The following CPPED1 variants were observed in gnomAD, a reference collection of about 807,000 sequenced individuals.
CPPED1 encodes calcineurin like phosphoesterase domain containing 1.
Under a neutral mutation model 28.0 loss-of-function variants are expected in CPPED1, and 28 were observed. That is an observed-to-expected ratio of 1.00 (90% CI 0.74 to 1.37). The LOEUF (loss-of-function observed/expected upper bound fraction) is 1.37. Among genes scored for constraint, CPPED1 ranks in the 40% most tolerant of loss-of-function variants. The pLI, the probability that CPPED1 is intolerant of heterozygous loss-of-function variation, is 0.00. For synonymous variants in CPPED1, 198 were observed against 180.2 expected, an observed-to-expected ratio of 1.10 and a Z score of -0.79; for missense variants, 504 against 416.5, an observed-to-expected ratio of 1.21 and a Z score of -1.83.
At chr16:12,692,038 G>C (rs906527176) in intron 3 of CPPED1, among the ~76,000 whole-genome samples, 1 of 151,756 alleles carries the variant, frequency 6.6e-6, no homozygotes, top group African/African-American at 2.4e-5. Flanking sequence ...ATTTTTAGTA[G>C]CTATGGGGTT....
intron 2 of CPPED1, among the ~76,000 whole-genome samples, chr16:12,713,573 C>A (rs1394514603): frequency 2.0e-5 from 3 of 152,056 alleles, no homozygotes; most frequent in Admixed American, 6.6e-5. Context: ...ATCATACTGG[C>A]CAGTCTTGAA....
chr16:12,712,661 T>C (rs2080086302), intron 2 of CPPED1, among the ~76,000 whole-genome samples: 1 of 152,126 alleles, frequency 6.6e-6, no homozygotes. Flanking sequence ...CTGTTAAGGT[T>C]TGGGGAGCAA....
At chr16:12,725,474 C>T (rs1326784439) in intron 2 of CPPED1, among the ~76,000 whole-genome samples, 2 of 152,080 alleles carry the variant, frequency 1.3e-5, no homozygotes, top group Non-Finnish European at 2.9e-5. Flanking sequence ...ATTTTTTTCA[C>T]ACTACTTTGG....
At chr16:12,698,440 A>G (rs1044526670) in intron 3 of CPPED1, among the ~76,000 whole-genome samples, 9 of 151,618 alleles carry the variant, frequency 5.9e-5, no homozygotes, top group African/African-American at 2.2e-4. Context: ...AATTTTTTTT[A>G]TTTATTTTTG....
At position 12,709,908 on chromosome 16, in the gene CPPED1, G is replaced by A. The variant is rs11862856; in HGVS notation, c.290-4859C>T. Among the ~76,000 whole-genome samples the A allele has an allele frequency of 9.5e-5, 2 of 21,072 alleles. No homozygotes were observed. Among genetic ancestry groups the A allele is most frequent in the African/African-American group, 9.9e-4 (2 of 2,022 alleles). The allele number at this position is 21,072 out of a possible 152,430, so 13.8% of individuals were successfully genotyped here. On this transcript the variant is annotated intron_variant, in intron 2 of 3. Transcript: ENST00000381774. The surrounding 1 kb of genome is among the most constrained non-coding windows in gnomAD (Gnocchi z 4.4). ...AAGGGAAGGAAGGGAAAGACGGGGG[G>A]AAGGAAGGGAAGGAAGGGAAGGAAG...
intron 2 of CPPED1, among the ~76,000 whole-genome samples, chr16:12,719,914 C>A (rs896993827): frequency 1.3e-5 from 2 of 151,268 alleles, no homozygotes; most frequent in African/African-American, 4.9e-5. Flanking sequence ...CCAGCCTAGG[C>A]GACAAGAGCA....
intron 2 of CPPED1, chr16:12,760,344 T>C (rs1171208706): frequency 6.6e-6 from 1 of 152,186 alleles, no homozygotes; most frequent in Admixed American, 6.5e-5. Context: ...ATGATGATAA[T>C]TGATTGCTAA....
intron 3 of CPPED1, among the ~76,000 whole-genome samples, chr16:12,684,971 G>A (rs376393705): frequency 7.2e-5 from 11 of 152,128 alleles, no homozygotes; most frequent in Admixed American, 3.3e-4. Context: ...GAGAGTTCCC[G>A]TATTTCCTGA....
At position 12,659,936 on chromosome 16, in the gene CPPED1, A is replaced by G. The variant is rs1364490258; in HGVS notation, c.*4950T>C. ...AGGAAAGAAAGAGTGTGAAGGAGCT[A>G]TCAAACACAAAACCATCAGTGTCAT... On this transcript the variant is annotated 3_prime_UTR_variant, in exon 4 of 4. Coordinates refer to ENST00000381774, the MANE Select transcript of CPPED1 (RefSeq NM_018340.3). 2 of 152,200 alleles carry G rather than the reference A, an allele frequency of 1.3e-5. No individual in the cohort carries two copies. The highest frequency in any genetic ancestry group is 3.8e-4 in the East Asian group (2 of 5,196). 9.4% of individuals were successfully genotyped at this position (152,200 alleles called of 1,614,324 possible).
At chr16:12,787,399 T>G (rs1299860460) in intron 1 of CPPED1, among the ~76,000 whole-genome samples, 1 of 86,292 alleles carries the variant, frequency 1.2e-5, no homozygotes, top group Non-Finnish European at 2.4e-5. Flanking sequence ...GAATGAATTT[T>G]TCTTTCTTTT....
chr16:12,785,492 A>T (rs530328329), intron 1 of CPPED1, among the ~76,000 whole-genome samples: 2 of 150,194 alleles, frequency 1.3e-5, no homozygotes, highest in East Asian at 3.9e-4. Context: ...CAATGCTGCA[A>T]TCTCTGCTTA....
intron 2 of CPPED1, among the ~76,000 whole-genome samples, chr16:12,752,140 C>T (rs1272956141): frequency 6.6e-6 from 1 of 152,078 alleles, no homozygotes; most frequent in Non-Finnish European, 1.5e-5. Context: ...AACTTAAACA[C>T]AATGAGAATA....
At chr16:12,782,546 G>GTTTT (rs35357238) in intron 1 of CPPED1, among the ~76,000 whole-genome samples, 3 of 138,758 alleles carry the variant, frequency 2.2e-5, no homozygotes, top group African/African-American at 2.7e-5. Flanking sequence ...CCTTGAGGCT[G>GTTTT]TTTTTTTTTT....
At chr16:12,720,993 T>C (rs542198000) in intron 2 of CPPED1, among the ~76,000 whole-genome samples, 2 of 152,342 alleles carry the variant, frequency 1.3e-5, no homozygotes, top group South Asian at 4.1e-4. Context: ...CAGAAGCCAC[T>C]GGTAAAGCCC....
At chr16:12,668,385 T>A (rs1203097160) in intron 3 of CPPED1, among the ~76,000 whole-genome samples, 2 of 152,188 alleles carry the variant, frequency 1.3e-5, no homozygotes, top group African/African-American at 2.4e-5. Context: ...TATAAGTTAT[T>A]GCCATGTTTG....
At chr16:12,734,114 G>C (rs111982658) in intron 2 of CPPED1, among the ~76,000 whole-genome samples, 1 of 125,994 alleles carries the variant, frequency 7.9e-6, no homozygotes, top group East Asian at 2.6e-4. Flanking sequence ...CTGTCACCCA[G>C]GCTGGAGTGC....
chr16:12,778,277 C>CTTTTTTT (rs371883790), intron 2 of CPPED1, among the ~76,000 whole-genome samples: 16 of 116,150 alleles, frequency 1.4e-4, no homozygotes, highest in East Asian at 2.4e-4. Context: ...TTCTTTCTTT[C>CTTTTTTT]TTTTTTTTTT....
At chr16:12,768,133 C>T (rs1036666899) in intron 2 of CPPED1, among the ~76,000 whole-genome samples, 1 of 152,226 alleles carries the variant, frequency 6.6e-6, no homozygotes, top group East Asian at 1.9e-4. Context: ...GAACCTTCAA[C>T]TGAATTCTAT....
intron 1 of CPPED1, among the ~76,000 whole-genome samples, chr16:12,786,811 C>A (rs2080566148): frequency 6.6e-6 from 1 of 152,176 alleles, no homozygotes; most frequent in African/African-American, 2.4e-5. Flanking sequence ...CCCAGCTACT[C>A]AGGAGGCCGG....
Sources: gnomAD v4.1 joint callset for allele counts (sites outside exome capture counted in the v4.1 genomes callset) on GRCh38, gnomAD v4.1.1 for gene constraint, Gnocchi (gnomAD v3.1) non-coding constraint, MANE v1.5 for transcripts, NCBI Gene and HGNC (gene_info 2026-07-23, HGNC 2026-07-21) for gene names.